The following NFATC2 variants were observed in gnomAD, a reference collection of about 807,000 sequenced individuals.
NFATC2 encodes nuclear factor of activated T cells 2, also known as nuclear factor of activated T-cells, cytoplasmic 2.
A neutral mutation model predicts 87.3 loss-of-function variants in NFATC2; 22 were observed. The observed-to-expected ratio is 0.25, with a 90% CI of 0.18 to 0.36. NFATC2 has a LOEUF of 0.36. Among genes scored for constraint, NFATC2 ranks in the 10% least tolerant of loss-of-function variants. NFATC2 has a pLI of 1.00. For synonymous variants in NFATC2, 565 were observed against 542.2 expected (o/e 1.04, Z -0.58); for missense variants, 1,149 against 1,259.1 (o/e 0.91, Z 1.32).
rs2076793412 is a variant in NFATC2, at chr20:51,540,647, G to GTTTTTTTGTTTTTTTTTT, written c.130+1722_130+1723insAAAAAAAAAACAAAAAAA. ...ATCTGAAACTGTTCCAAAAACTGAA[G>GTTTTTTTGTTTTTTTTTT]TTTTTTTTTTGTTTTTTTTTTTTTG... On this transcript the variant is annotated intron_variant, in intron 1 of 10. Coordinates refer to ENST00000371564, the MANE Select transcript of NFATC2 (RefSeq NM_012340.5). 6.2e-5 allele frequency among the ~76,000 whole-genome samples: 7 copies of GTTTTTTTGTTTTTTTTTT among 112,974 alleles called. 3 individuals carry two copies. Among genetic ancestry groups the GTTTTTTTGTTTTTTTTTT allele is most frequent in the African/African-American group, 3.1e-4 (7 of 22,842 alleles). 74.1% of individuals were successfully genotyped at this position (112,974 alleles called of 152,430 possible).
intron 1 of NFATC2, among the ~76,000 whole-genome samples, chr20:51,552,914 C>T (rs1260518356): frequency 3.9e-5 from 6 of 152,140 alleles, no homozygotes; most frequent in African/African-American, 1.4e-4. Flanking sequence ...ATCAACCCAT[C>T]ACCTAGGTAC....
At chr20:51,455,278 A>G (rs1986275946) in intron 5 of NFATC2, among the ~76,000 whole-genome samples, 1 of 152,012 alleles carries the variant, frequency 6.6e-6, no homozygotes, top group Non-Finnish European at 1.5e-5. Context: ...TTCCAGCCAC[A>G]CTTCTAGAAC....
intron 3 of NFATC2, among the ~76,000 whole-genome samples, chr20:51,479,063 G>T (rs561423062): frequency 6.6e-6 from 1 of 152,166 alleles, no homozygotes; most frequent in Non-Finnish European, 1.5e-5. Flanking sequence ...GTTTCCAGCC[G>T]TAGTGGGAAT....
At chr20:51,549,204 A>T (rs969201102) in intron 1 of NFATC2, among the ~76,000 whole-genome samples, 1 of 152,228 alleles carries the variant, frequency 6.6e-6, no homozygotes, top group African/African-American at 2.4e-5. Flanking sequence ...AGAATATTAT[A>T]AAAGACAATG....
At chr20:51,408,584 C>T (rs1006280457) in intron 9 of NFATC2, among the ~76,000 whole-genome samples, 7 of 150,098 alleles carry the variant, frequency 4.7e-5, no homozygotes, top group African/African-American at 1.7e-4. Context: ...TTTACAACAC[C>T]AACAGATTAC....
chr20:51,493,399 T>A (rs1454308834), intron 3 of NFATC2, among the ~76,000 whole-genome samples: 1 of 152,286 alleles, frequency 6.6e-6, no homozygotes, highest in Admixed American at 6.5e-5. Flanking sequence ...AGAATGGGGA[T>A]TGGCGACCTC....
chr20:51,425,878 T>C (rs2146317367), intron 9 of NFATC2, among the ~76,000 whole-genome samples: 1 of 152,264 alleles, frequency 6.6e-6, no homozygotes, highest in East Asian at 1.9e-4. Flanking sequence ...TGGCAAAACC[T>C]GGGCCACTGG....
At position 51,432,473 on chromosome 20, in the gene NFATC2, G is replaced by T; in HGVS notation, c.2316C>A (p.Ala772=). The change falls in exon 9 of 11, where the codon GCC becomes GCA. Residue 772 remains alanine (A), a synonymous_variant. Transcript: ENST00000371564. The surrounding 1 kb of genome is among the most constrained non-coding windows in gnomAD (Gnocchi z 4.6). ...LLGYQQPALM[A]APLSLADAHR... is the part of the protein sequence containing the mutation. ...GAGCGTCCGCAAGGGACAGCGGGGC[G>T]GCCATGAGGGCCGGCTGCTGATAGC... 1.3e-6 allele frequency: 2 copies of T among 1,554,024 alleles called. 1 individual carries two copies. The highest frequency in any genetic ancestry group is 2.4e-5 in the South Asian group (2 of 82,196).
chr20:51,434,743 G>A (rs1001129412), intron 8 of NFATC2, among the ~76,000 whole-genome samples: 7 of 152,088 alleles, frequency 4.6e-5, no homozygotes, highest in African/African-American at 7.2e-5. Flanking sequence ...CTCCTGACCC[G>A]GTTATCCACC....
At chr20:51,400,083 G>GCCCACAT (rs1987832919) in intron 9 of NFATC2, among the ~76,000 whole-genome samples, 3 of 151,320 alleles carry the variant, frequency 2.0e-5, no homozygotes, top group African/African-American at 7.2e-5. Context: ...CTTGTTCACA[G>GCCCACAT]CCCACATCCC....
At chr20:51,505,052 C>T (rs2076154858) in intron 3 of NFATC2, among the ~76,000 whole-genome samples, 1 of 115,666 alleles carries the variant, frequency 8.6e-6, no homozygotes, top group Admixed American at 1.3e-4. Context: ...CTCGCTCTGT[C>T]ACCCAGGCTG....
chr20:51,427,280 C>T (rs1040346958), intron 9 of NFATC2, among the ~76,000 whole-genome samples: 3 of 152,160 alleles, frequency 2.0e-5, no homozygotes, highest in African/African-American at 7.2e-5. Context: ...CACCACAGAG[C>T]GCTAGTAAAA....
rs375063156 is a variant in NFATC2 at position 51,552,114 on chromosome 20, C to T, written c.70+10446G>A. On this transcript the variant is annotated intron_variant, in intron 1 of 10. Coordinates refer to the NFATC2 transcript ENST00000414705. Reference sequence around the variant, plus strand: ...TTTTGGGAGGCCAAGGTGGGAGGATCGCTTGAGCCCAGGAGTTCAAGACCA... The same window carrying T: ...TTTTGGGAGGCCAAGGTGGGAGGATTGCTTGAGCCCAGGAGTTCAAGACCA... Among the ~76,000 whole-genome samples the T allele has an allele frequency of 1.7e-3, 264 of 152,090 alleles. 3 individuals are homozygous for T. The highest frequency in any genetic ancestry group is 6.0e-3 in the African/African-American group (248 of 41,462).
chr20:51,398,549 C>T (rs1241697327), intron 10 of NFATC2, 94 bp downstream of exon 10: 4 of 784,348 alleles, frequency 5.1e-6, no homozygotes, highest in Non-Finnish European at 7.8e-6. Flanking sequence ...TTCAGCCTGT[C>T]AAGTTTTCTT....
chr20:51,407,160 CCTTA>C (rs1210286529), intron 9 of NFATC2, among the ~76,000 whole-genome samples: 1 of 152,174 alleles, frequency 6.6e-6, no homozygotes, highest in Non-Finnish European at 1.5e-5. Context: ...GCTGCTCTTG[CCTTA>C]GACGTTTGGA....
At chr20:51,525,533 C>G (rs1221544710) in intron 1 of NFATC2, among the ~76,000 whole-genome samples, 1 of 151,046 alleles carries the variant, frequency 6.6e-6, no homozygotes, top group African/African-American at 2.4e-5. Flanking sequence ...CCACCCACCC[C>G]TCACAGCAAC....
chr20:51,408,251 C>A (rs985485668), intron 9 of NFATC2, among the ~76,000 whole-genome samples: 4 of 152,234 alleles, frequency 2.6e-5, no homozygotes, highest in Non-Finnish European at 5.9e-5. Flanking sequence ...TGGTGGCTCA[C>A]GCCTGTAATC....
chr20:51,549,133 A>G (rs2076912328), intron 1 of NFATC2, among the ~76,000 whole-genome samples: 1 of 152,216 alleles, frequency 6.6e-6, no homozygotes, highest in South Asian at 2.1e-4. Context: ...AAACCACAGC[A>G]CTTCAGCCTA....
intron 5 of NFATC2, among the ~76,000 whole-genome samples, chr20:51,471,112 AG>A (rs1555883185): frequency 2.0e-5 from 3 of 152,238 alleles, no homozygotes; most frequent in Non-Finnish European, 4.4e-5. Flanking sequence ...ATGTTCAAAC[AG>A]CTTTCTAACA....
Sources: allele counts gnomAD v4.1 joint callset (sites outside exome capture counted in the v4.1 genomes callset), GRCh38; gene constraint gnomAD v4.1.1; non-coding constraint Gnocchi (gnomAD v3.1); transcripts MANE v1.5; gene names NCBI Gene and HGNC (gene_info 2026-07-23, HGNC 2026-07-21).